ADAMTSL1: variants seen among roughly 807,000 people sequenced by gnomAD.
The protein encoded by ADAMTSL1 is ADAMTS-like protein 1.
ADAMTSL1 carries 126 observed loss-of-function variants against 201.8 expected under a neutral mutation model. The observed-to-expected ratio is 0.62, with a 90% CI of 0.54 to 0.72. ADAMTSL1 has a LOEUF of 0.72. Ranked by LOEUF, ADAMTSL1 falls within the 30% of genes least tolerant of loss-of-function variation. The pLI, the probability that ADAMTSL1 is intolerant of heterozygous loss-of-function variation, is 0.00. For missense variants in ADAMTSL1, 2,679 were observed against 2,277.8 expected (o/e 1.18, Z -3.59); for synonymous variants, 1,121 against 903.4 (o/e 1.24, Z -4.32).
intron 1 of ADAMTSL1, among the ~76,000 whole-genome samples, chr9:18,015,775 C>CA (rs941631469): frequency 9.9e-5 from 15 of 151,926 alleles, no homozygotes; most frequent in Non-Finnish European, 1.2e-4. Context: ...CCTATGATTT[C>CA]AAAAAATATG....
intron 1 of ADAMTSL1, among the ~76,000 whole-genome samples, chr9:18,149,472 A>G (rs1375424443): frequency 6.6e-6 from 1 of 152,036 alleles, no homozygotes; most frequent in African/African-American, 2.4e-5. Flanking sequence ...TAATTGTAGA[A>G]AAGTGGTACA....
chr9:18,719,445 A>G (rs544815295), intron 14 of ADAMTSL1, among the ~76,000 whole-genome samples: 2 of 152,084 alleles, frequency 1.3e-5, no homozygotes, highest in Non-Finnish European at 2.9e-5. Context: ...TCTCCCTGCA[A>G]CCTTCACCTC....
intron 1 of ADAMTSL1, among the ~76,000 whole-genome samples, chr9:18,055,845 A>C (rs558716075): frequency 6.6e-6 from 1 of 152,366 alleles, no homozygotes; most frequent in Non-Finnish European, 1.5e-5. Context: ...CATGCTGTCA[A>C]GGTTTAATAT....
At chr9:18,820,916 A>G (rs543322264) in intron 21 of ADAMTSL1, among the ~76,000 whole-genome samples, 1 of 152,312 alleles carries the variant, frequency 6.6e-6, no homozygotes, top group East Asian at 1.9e-4. Flanking sequence ...AAAGGGCCTG[A>G]GGTAGAAAGA....
intron 26 of ADAMTSL1, among the ~76,000 whole-genome samples, chr9:18,896,437 G>T (rs1381832855): frequency 6.6e-6 from 1 of 152,110 alleles, no homozygotes; most frequent in Non-Finnish European, 1.5e-5. Flanking sequence ...AGAGGGGGAG[G>T]GGCCAAGATG....
At chr9:18,272,323 C>A (rs1375736722) in intron 2 of ADAMTSL1, among the ~76,000 whole-genome samples, 5 of 152,180 alleles carry the variant, frequency 3.3e-5, no homozygotes, top group Admixed American at 1.3e-4. Context: ...ACTATCTGAA[C>A]TTTGACAAAC....
chr9:18,801,964 A>G (rs573989123), intron 20 of ADAMTSL1, among the ~76,000 whole-genome samples: 6 of 152,284 alleles, frequency 3.9e-5, no homozygotes, highest in Non-Finnish European at 7.3e-5. Context: ...AAAGTATACA[A>G]TTCAACAGCT....
At chr9:18,784,703 T>C (rs1463391746) in intron 19 of ADAMTSL1, among the ~76,000 whole-genome samples, 2 of 152,152 alleles carry the variant, frequency 1.3e-5, no homozygotes, top group African/African-American at 4.8e-5. Flanking sequence ...AGTGGAGAAA[T>C]CATCAGGCTC....
rs1012955091 is a variant in ADAMTSL1 at position 18,051,027 on chromosome 9, T to C, written c.88-112835T>C. ...AAAATATCCAGACTATATGGCCGGG[T>C]GCAGTGGCTCACGCCTGTAATCCCA... On this transcript the variant is annotated intron_variant, in intron 1 of 29. Coordinates refer to the ADAMTSL1 transcript ENST00000680146. 9.9e-5 allele frequency among the ~76,000 whole-genome samples: 15 copies of C among 152,138 alleles called. No homozygotes were observed. The South Asian group carries it at 1.2e-3, about 13-fold the overall frequency.
At chr9:18,891,658 G>A (rs1014866254) in intron 25 of ADAMTSL1, among the ~76,000 whole-genome samples, 7 of 152,160 alleles carry the variant, frequency 4.6e-5, no homozygotes, top group East Asian at 1.9e-4. Flanking sequence ...ACTGTCACGC[G>A]GTCACGCCAA....
chr9:18,251,923 AAC>A (rs1388444440), intron 2 of ADAMTSL1, among the ~76,000 whole-genome samples: 1 of 152,206 alleles, frequency 6.6e-6, no homozygotes, highest in African/African-American at 2.4e-5. Flanking sequence ...ATGACTATCC[AAC>A]ACAGGAAAAA....
At chr9:17,959,751 C>T (rs1029793308) in intron 1 of ADAMTSL1, among the ~76,000 whole-genome samples, 3 of 152,214 alleles carry the variant, frequency 2.0e-5, no homozygotes, top group African/African-American at 7.2e-5. Context: ...CCACTGCACT[C>T]AGCCTTGACA....
intron 15 of ADAMTSL1, among the ~76,000 whole-genome samples, chr9:18,734,390 G>C (rs1433275976): frequency 6.6e-6 from 1 of 152,194 alleles, no homozygotes; most frequent in African/African-American, 2.4e-5. Flanking sequence ...TCTAGACCAA[G>C]AATGCCCAGC....
At chr9:18,733,080 T>A (rs996882309) in intron 15 of ADAMTSL1, among the ~76,000 whole-genome samples, 5 of 152,174 alleles carry the variant, frequency 3.3e-5, no homozygotes, top group African/African-American at 1.2e-4. Flanking sequence ...CCTGAGGCTG[T>A]CTGTCCCTCT....
chr9:18,778,305 C>T (rs1341881022), intron 19 of ADAMTSL1, among the ~76,000 whole-genome samples: 5 of 152,148 alleles, frequency 3.3e-5, no homozygotes, highest in African/African-American at 9.7e-5. Context: ...ACACTGACTC[C>T]GTGTGTGTGG....
At chr9:18,060,484 C>T (rs1011045520) in intron 1 of ADAMTSL1, among the ~76,000 whole-genome samples, 5 of 152,146 alleles carry the variant, frequency 3.3e-5, no homozygotes, top group Non-Finnish European at 7.4e-5. Context: ...ATCCTTCCAG[C>T]TTCAGCTTCT....
intron 1 of ADAMTSL1, among the ~76,000 whole-genome samples, chr9:18,025,562 A>C (rs1372526375): frequency 2.0e-5 from 3 of 152,050 alleles, no homozygotes; most frequent in Non-Finnish European, 4.4e-5. Flanking sequence ...AGATGGTTGC[A>C]GGTGTGTGGC....
chr9:18,347,360 A>G (rs186820257), intron 2 of ADAMTSL1, among the ~76,000 whole-genome samples: 5 of 151,874 alleles, frequency 3.3e-5, no homozygotes, highest in Non-Finnish European at 7.4e-5. Flanking sequence ...TGAGAATTCC[A>G]GGGCATTTTA....
intron 2 of ADAMTSL1, among the ~76,000 whole-genome samples, chr9:18,232,023 T>C (rs1830662657): frequency 6.6e-6 from 1 of 152,164 alleles, no homozygotes; most frequent in Non-Finnish European, 1.5e-5. Context: ...AACAGAGAGA[T>C]GTCAAAACAT....
Sources: gnomAD v4.1 joint callset for allele counts (sites outside exome capture counted in the v4.1 genomes callset) on GRCh38, gnomAD v4.1.1 for gene constraint, MANE v1.5 for transcripts, NCBI Gene and HGNC (gene_info 2026-07-23, HGNC 2026-07-21) for gene names.